The following LPP variants were observed in gnomAD, a reference collection of about 807,000 sequenced individuals.
LPP encodes LIM domain containing preferred translocation partner in lipoma.
Under a neutral mutation model 60.4 loss-of-function variants are expected in LPP, and 38 were observed. That is an observed-to-expected ratio of 0.63 (90% CI 0.49 to 0.83). LPP has a LOEUF of 0.83. Among genes scored for constraint, LPP ranks in the 40% least tolerant of loss-of-function variants. The pLI is 0.00. For synonymous variants in LPP, 328 were observed against 290.8 expected (o/e 1.13, Z -1.30); for missense variants, 902 against 783.6 (o/e 1.15, Z -1.80).
chr3:188,534,043 C>T (rs1221279165), intron 6 of LPP, among the ~76,000 whole-genome samples: 1 of 152,152 alleles, frequency 6.6e-6, no homozygotes, highest in Non-Finnish European at 1.5e-5. Flanking sequence ...CCTTGCATTG[C>T]ACCTCTACAA....
At chr3:188,673,971 T>C (rs1466695917) in intron 7 of LPP, among the ~76,000 whole-genome samples, 1 of 152,014 alleles carries the variant, frequency 6.6e-6, no homozygotes, top group Non-Finnish European at 1.5e-5. Context: ...CCCTGGGTCA[T>C]TTGCATCTTA....
chr3:188,167,648 A>C (rs9881941), intron 1 of LPP, among the ~76,000 whole-genome samples: 95,663 of 149,074 alleles, frequency 0.64, 30,988 homozygotes, highest in East Asian at 0.8. Context: ...CACTCACTGT[A>C]TTTTTCCTTT....
At chr3:188,645,461 T>G (rs1379448928) in intron 7 of LPP, among the ~76,000 whole-genome samples, 2 of 152,194 alleles carry the variant, frequency 1.3e-5, no homozygotes, top group African/African-American at 2.4e-5. Flanking sequence ...GCATCTGTAT[T>G]CGGGGTCCTG....
chr3:188,648,363 A>G (rs549859620), intron 7 of LPP, among the ~76,000 whole-genome samples: 25 of 152,186 alleles, frequency 1.6e-4, no homozygotes, highest in Non-Finnish European at 3.4e-4. Context: ...CATTGAGCTC[A>G]CAGAGGTTTA....
intron 9 of LPP, among the ~76,000 whole-genome samples, chr3:188,814,889 G>T (rs560029714): frequency 6.6e-6 from 1 of 152,322 alleles, no homozygotes; most frequent in African/African-American, 2.4e-5. Flanking sequence ...CTGCCCATGA[G>T]CTGTGGAGAT....
intron 9 of LPP, among the ~76,000 whole-genome samples, chr3:188,840,905 C>A (rs1759790161): frequency 6.6e-6 from 1 of 152,166 alleles, no homozygotes; most frequent in Non-Finnish European, 1.5e-5. Context: ...AGCTGGGGTT[C>A]ATTTTACATT....
In LPP at chr3:188,318,753, C is replaced by CTTTTTTTTTTTTTTTTT. The variant is rs10708836; in HGVS notation, c.-66-22903_-66-22887dup. Among the ~76,000 whole-genome samples, 74 of 96,826 alleles carry CTTTTTTTTTTTTTTTTT rather than the reference C, an allele frequency of 7.6e-4. 2 individuals are homozygous for CTTTTTTTTTTTTTTTTT. Among genetic ancestry groups the CTTTTTTTTTTTTTTTTT allele is most frequent in the Admixed American group, 1.3e-3 (11 of 8,578 alleles). The allele number at this position is 96,826 out of a possible 152,430, so 63.5% of individuals were successfully genotyped here. On this transcript the variant is annotated intron_variant, in intron 2 of 11. Coordinates refer to ENST00000617246, the MANE Select transcript of LPP (RefSeq NM_001375462.1). The stretch of plus-strand genomic sequence containing the variant: ...AAAAAATTGAAAAAAAATTATGATT[C>CTTTTTTTTTTTTTTTTT]TTTTTTTTTTTTTTTTTTTTTTTGA...
chr3:188,229,722 T>C (rs1243578268), intron 2 of LPP, among the ~76,000 whole-genome samples: 2 of 152,204 alleles, frequency 1.3e-5, no homozygotes, highest in East Asian at 3.8e-4. Context: ...TTTCTCTCTT[T>C]TGCTTCCTTC....
chr3:188,168,240 A>G (rs781627814), intron 1 of LPP, among the ~76,000 whole-genome samples: 6 of 152,232 alleles, frequency 3.9e-5, no homozygotes, highest in Non-Finnish European at 7.3e-5. Flanking sequence ...AACATGTGTG[A>G]TAGTTGAAGT....
At chr3:188,714,850 T>C (rs1152844) in intron 8 of LPP, among the ~76,000 whole-genome samples, 151,771 of 152,206 alleles carry the variant, frequency 1, 75,668 homozygotes, top group Non-Finnish European at 1. Context: ...TTTCCATTAA[T>C]ACTGGTGTCA....
chr3:188,210,200 A>C (rs1276687093), intron 1 of LPP, among the ~76,000 whole-genome samples: 1 of 152,238 alleles, frequency 6.6e-6, no homozygotes, highest in African/African-American at 2.4e-5. Flanking sequence ...AGTATACAGG[A>C]GATACTACCT....
chr3:188,593,644 C>T (rs1230656222), intron 6 of LPP, among the ~76,000 whole-genome samples: 3 of 152,136 alleles, frequency 2.0e-5, no homozygotes, highest in African/African-American at 7.2e-5. Flanking sequence ...ATTCTTATGC[C>T]TTTGCGTCCT....
In LPP at chr3:188,889,139, C is replaced by T. The variant is rs1560356870; in HGVS notation, c.*14660C>T. The stretch of plus-strand genomic sequence containing the variant: ...GTCTTGGCTGTGGGGATTGGAAGCT[C>T]AGGGGGCCAAATGTCCTTGCCAGAT... On this transcript the variant is annotated 3_prime_UTR_variant, in exon 12 of 12. Transcript: ENST00000617246. The T allele has an allele frequency of 4.4e-6, 1 of 227,530 alleles. No homozygotes were observed. Among genetic ancestry groups the T allele is most frequent in the African/African-American group, 2.2e-5 (1 of 45,012 alleles). The allele number at this position is 227,530 out of a possible 1,614,324, so 14.1% of individuals were successfully genotyped here. A position where few individuals can be genotyped will look rare whatever the true frequency, so the allele number is the denominator to read the frequency against.
rs1420960191 is a variant in LPP at position 188,878,186 on chromosome 3, A to G, written c.*3707A>G. The G allele has an allele frequency of 4.6e-6, 1 of 217,286 alleles. No individual in the cohort carries two copies. Among genetic ancestry groups the G allele is most frequent in the Non-Finnish European group, 9.3e-6 (1 of 107,864 alleles). 13.5% of individuals were successfully genotyped at this position (217,286 alleles called of 1,614,324 possible). ...TTAATGTGAACCAGCCAGGAATAAC[A>G]GTGTTATTTCTATTGGATATGGTTT... On this transcript the variant is annotated 3_prime_UTR_variant, in exon 12 of 12. Coordinates refer to ENST00000617246, the MANE Select transcript of LPP (RefSeq NM_001375462.1).
At chr3:188,744,462 T>C (rs1725468027) in intron 8 of LPP, among the ~76,000 whole-genome samples, 1 of 152,146 alleles carries the variant, frequency 6.6e-6, no homozygotes, top group African/African-American at 2.4e-5. Context: ...ACAAGTGTAA[T>C]GAAAAGAGCA....
At chr3:188,638,544 G>T (rs1296681637) in intron 7 of LPP, among the ~76,000 whole-genome samples, 3 of 146,776 alleles carry the variant, frequency 2.0e-5, no homozygotes, top group Admixed American at 2.0e-4. Flanking sequence ...GAAATAAAGG[G>T]TATTCAATTA....
At chr3:188,627,320 T>C (rs1462394627) in intron 7 of LPP, among the ~76,000 whole-genome samples, 2 of 152,182 alleles carry the variant, frequency 1.3e-5, no homozygotes, top group Non-Finnish European at 2.9e-5. Flanking sequence ...TTATGTGGGC[T>C]AAATGCCCCA....
chr3:188,407,800 T>G (rs1342220561), intron 4 of LPP, among the ~76,000 whole-genome samples: 8 of 140,028 alleles, frequency 5.7e-5, no homozygotes, highest in African/African-American at 1.6e-4. Flanking sequence ...TTTTTTTTTT[T>G]TTTTTTTGAG....
chr3:188,478,954 CTG>C (rs1803981180), intron 4 of LPP, among the ~76,000 whole-genome samples: 2 of 151,960 alleles, frequency 1.3e-5, no homozygotes, highest in Non-Finnish European at 2.9e-5. Flanking sequence ...GGGTTTCACT[CTG>C]TTGCCCAGGC....
Sources: gnomAD v4.1 joint callset for allele counts (sites outside exome capture counted in the v4.1 genomes callset) on GRCh38, gnomAD v4.1.1 for gene constraint, MANE v1.5 for transcripts, NCBI Gene and HGNC (gene_info 2026-07-23, HGNC 2026-07-21) for gene names.